LRRIQ3: variants seen among roughly 807,000 people sequenced by gnomAD.
LRRIQ3 encodes the protein leucine rich repeats and IQ motif containing 3.
Under a neutral mutation model 59.3 loss-of-function variants are expected in LRRIQ3, and 75 were observed. The observed-to-expected ratio is 1.26, with a 90% CI of 1.05 to 1.53. The LOEUF is 1.53. Ranked by LOEUF, LRRIQ3 falls within the 40% of genes most tolerant of loss-of-function variation. The pLI, the probability that LRRIQ3 is intolerant of heterozygous loss-of-function variation, is 0.00. For missense variants in LRRIQ3, 831 were observed against 710.0 expected, an observed-to-expected ratio of 1.17 and a Z score of -1.94; for synonymous variants, 250 against 231.3, an observed-to-expected ratio of 1.08 and a Z score of -0.73.
At chr1:74,070,141 A>G (rs1654979631) in intron 6 of LRRIQ3, among the ~76,000 whole-genome samples, 1 of 152,096 alleles carries the variant, frequency 6.6e-6, no homozygotes, top group Non-Finnish European at 1.5e-5. Context: ...ATATACCCAA[A>G]GGAATATAAA....
intron 5 of LRRIQ3, chr1:74,083,976 T>A (rs1248306728): frequency 4.6e-6 from 2 of 435,674 alleles, no homozygotes; most frequent in East Asian, 7.2e-5. Flanking sequence ...ATCATGAACA[T>A]TTTAATGCAA....
intron 6 of LRRIQ3, among the ~76,000 whole-genome samples, chr1:74,057,670 A>G (rs1319079866): frequency 6.6e-6 from 1 of 152,162 alleles, no homozygotes; most frequent in Non-Finnish European, 1.5e-5. Context: ...ATGCTGCATG[A>G]CATAGGACTG....
intron 3 of LRRIQ3, among the ~76,000 whole-genome samples, chr1:74,171,327 A>G (rs1331823861): frequency 6.6e-6 from 1 of 152,166 alleles, no homozygotes; most frequent in Non-Finnish European, 1.5e-5. Context: ...CTTTCCATAC[A>G]TAATTGTTGA....
At chr1:74,030,641 C>A (rs905810831) in intron 7 of LRRIQ3, among the ~76,000 whole-genome samples, 1 of 152,084 alleles carries the variant, frequency 6.6e-6, no homozygotes, top group African/African-American at 2.4e-5. Context: ...AATGTTAGAC[C>A]TAAAACCATA....
intron 4 of LRRIQ3, among the ~76,000 whole-genome samples, chr1:74,123,928 C>G (rs1646898249): frequency 6.6e-6 from 1 of 151,848 alleles, no homozygotes; most frequent in Non-Finnish European, 1.5e-5. Context: ...ACCAACAATG[C>G]CAATGTCAAA....
At chr1:74,073,660 G>A (rs1196719265) in intron 6 of LRRIQ3, among the ~76,000 whole-genome samples, 1 of 151,126 alleles carries the variant, frequency 6.6e-6, no homozygotes, top group Non-Finnish European at 1.5e-5. Context: ...GTAAAATGGA[G>A]AACTGATGAA....
At chr1:74,186,746 T>C (rs1054789888) in intron 1 of LRRIQ3, among the ~76,000 whole-genome samples, 2 of 152,116 alleles carry the variant, frequency 1.3e-5, no homozygotes, top group African/African-American at 4.8e-5. Context: ...GCCTTTTTTT[T>C]CCATTTTGTA....
chr1:74,148,882 G>C (rs1379051326), intron 4 of LRRIQ3, among the ~76,000 whole-genome samples: 1 of 152,108 alleles, frequency 6.6e-6, no homozygotes, highest in Admixed American at 6.5e-5. Context: ...TTGAAACCAT[G>C]CCAAGTGAGG....
intron 5 of LRRIQ3, among the ~76,000 whole-genome samples, chr1:74,097,440 A>G (rs10399842): frequency 0.82 from 124,242 of 152,066 alleles, 52,677 homozygotes; most frequent in East Asian, 0.97. Flanking sequence ...TGGTGTACCT[A>G]AAAGTGACAA....
intron 3 of LRRIQ3, among the ~76,000 whole-genome samples, chr1:74,161,047 T>C (rs1029258268): frequency 1.3e-5 from 2 of 152,098 alleles, no homozygotes; most frequent in African/African-American, 2.4e-5. Context: ...AACTTATTTC[T>C]ATCAGTTCTG....
chr1:74,050,698 G>C (rs892027714), intron 6 of LRRIQ3: 2 of 271,466 alleles, frequency 7.4e-6, no homozygotes, highest in African/African-American at 4.6e-5. Flanking sequence ...CAAGCTTATA[G>C]CCTTATGTGA....
intron 4 of LRRIQ3, among the ~76,000 whole-genome samples, chr1:74,126,231 G>C (rs775100919): frequency 6.6e-6 from 1 of 151,314 alleles, no homozygotes; most frequent in Non-Finnish European, 1.5e-5. Context: ...TGCTGATTTG[G>C]GTCTTCTCTC....
intron 5 of LRRIQ3, chr1:74,084,185 C>T: frequency 6.5e-7 from 1 of 1,547,184 alleles, no homozygotes; most frequent in African/African-American, 1.4e-5. Flanking sequence ...CAGCCCACTT[C>T]AGTGAAAATT....
chr1:74,109,435 G>T lies in LRRIQ3; in HGVS notation c.826C>A (p.Pro276Thr), dbSNP rs765330526. ...DKLLKDLFFK[P>T]ETNIKGKLAY... ...AGCTTTCCTTTTATATTAGTTTCAG[G>T]TTTGAAAAAGAGATCCTTAAGGAGC... The change falls in exon 5 of 8, where the codon CCT becomes ACT. Residue 276 changes from proline to threonine, a missense_variant. By Grantham distance (38) the Pro-to-Thr change is conservative. Transcript: ENST00000354431. The T allele has an allele frequency of 1.9e-6, 3 of 1,561,988 alleles. No homozygotes were observed. Among genetic ancestry groups the T allele is most frequent in the South Asian group, 1.2e-5 (1 of 81,484 alleles).
rs767279278 is a variant in LRRIQ3, at chr1:74,182,801, G to T, written c.310C>A (p.Leu104Ile). 31 of 1,607,438 alleles carry T rather than the reference G, an allele frequency of 1.9e-5. No individual in the cohort carries two copies. Among genetic ancestry groups the T allele is most frequent in the Non-Finnish European group, 2.6e-5 (31 of 1,176,366 alleles). ...NGLKNLKLLY[L>I]HDNGFAKLKN... ...AACTTTGCAAACCCATTGTCATGAA[G>T]ATAGAGTAGTTTTAGGTTCTTCAAT... The change falls in exon 3 of 8, where the codon CTT becomes ATT. Residue 104 changes from leucine to isoleucine, a missense_variant. Coordinates refer to ENST00000354431, the MANE Select transcript of LRRIQ3 (RefSeq NM_001105659.2).
chr1:74,069,498 T>C (rs1037267180), intron 6 of LRRIQ3, among the ~76,000 whole-genome samples: 1 of 151,944 alleles, frequency 6.6e-6, no homozygotes, highest in African/African-American at 2.4e-5. Flanking sequence ...TAAAAAAAAT[T>C]GGATAAGCAT....
chr1:74,101,171 C>T (rs934540526), intron 5 of LRRIQ3, among the ~76,000 whole-genome samples: 5 of 151,898 alleles, frequency 3.3e-5, no homozygotes, highest in African/African-American at 1.2e-4. Flanking sequence ...TGACAAAGGG[C>T]TAATAACCAG....
intron 7 of LRRIQ3, among the ~76,000 whole-genome samples, chr1:74,034,892 T>G (rs1308010713): frequency 6.6e-6 from 1 of 152,042 alleles, no homozygotes; most frequent in Non-Finnish European, 1.5e-5. Context: ...TGAAGATCTC[T>G]AAATGTTTCT....
rs752723886 is a variant in LRRIQ3, at chr1:74,041,291, T to C, written c.1640A>G (p.Glu547Gly). Residue 547 changes from glutamate to glycine, a missense_variant, in exon 7 of 8, where the codon GAG becomes GGG. Coordinates refer to ENST00000354431, the MANE Select transcript of LRRIQ3 (RefSeq NM_001105659.2). ...RLEKNEAVLK[E>G]KSLIVKQKLK... ...TTTTTGCTTAACAATCAGGCTTTTC[T>C]CTTTTAGGACAGCCTCATTCTTCTC... is the stretch of plus-strand genomic sequence containing the variant. 35 of 1,609,788 alleles carry C rather than the reference T, an allele frequency of 2.2e-5. 1 individual carries two copies. The South Asian group carries it at 3.9e-4, about 18-fold the overall frequency.
Sources: allele counts gnomAD v4.1 joint callset (sites outside exome capture counted in the v4.1 genomes callset), GRCh38; gene constraint gnomAD v4.1.1; transcripts MANE v1.5; gene names NCBI Gene and HGNC (gene_info 2026-07-23, HGNC 2026-07-21).